The following ST3GAL1 variants were observed in gnomAD, a reference collection of about 807,000 sequenced individuals.
The protein encoded by ST3GAL1 is CMP-N-acetylneuraminate-beta-galactosamide-alpha-2,3-sialyltransferase 1.
In ST3GAL1, 16 loss-of-function variants were observed where a neutral mutation model predicts 34.1. That is an observed-to-expected ratio of 0.47 (90% CI 0.32 to 0.71). The LOEUF is 0.71. ST3GAL1 is among the 30% of genes least tolerant of loss of function. The probability of loss-of-function intolerance (pLI) is 0.04; values close to 1 mark genes in which losing one functional copy is unlikely to be tolerated. For synonymous variants in ST3GAL1, 191 were observed against 184.7 expected, an observed-to-expected ratio of 1.03 and a Z score of -0.28; for missense variants, 353 against 447.4, an observed-to-expected ratio of 0.79 and a Z score of 1.90.
At chr8:133,527,724 G>A (rs1478048583) in intron 2 of ST3GAL1, among the ~76,000 whole-genome samples, 1 of 152,224 alleles carries the variant, frequency 6.6e-6, no homozygotes, top group Non-Finnish European at 1.5e-5. Context: ...AGCTGGAGAA[G>A]ATCTGGGGGA....
At position 133,556,839 on chromosome 8, in the gene ST3GAL1, G is replaced by T. The variant is rs1819045346; in HGVS notation, c.-581-10913C>A. ...TGGAGGGGGGACATTTTGTTCTTTT[G>T]GCCTCTTAGATGATAAAACTAAGTG... is the stretch of plus-strand genomic sequence containing the variant. On this transcript the variant is annotated intron_variant, in intron 1 of 9. Transcript: ENST00000522652. This position sits in a 1 kb window ranked among gnomAD's most constrained non-coding sequence, Gnocchi z 8.9. Among the ~76,000 whole-genome samples the T allele has an allele frequency of 6.6e-6, 1 of 152,080 alleles. No homozygotes were observed. Among genetic ancestry groups the T allele is most frequent in the South Asian group, 2.1e-4 (1 of 4,822 alleles).
At chr8:133,562,715 T>C (rs1309751491) in intron 1 of ST3GAL1, among the ~76,000 whole-genome samples, 1 of 152,154 alleles carries the variant, frequency 6.6e-6, no homozygotes, top group Non-Finnish European at 1.5e-5. Flanking sequence ...CCTTTAATAC[T>C]TGGCCAATTC....
At chr8:133,502,138 T>C (rs1317228268) in intron 2 of ST3GAL1, among the ~76,000 whole-genome samples, 1 of 152,110 alleles carries the variant, frequency 6.6e-6, no homozygotes, top group Non-Finnish European at 1.5e-5. Flanking sequence ...GAATAGCCAA[T>C]ATGATAATGT....
chr8:133,546,462 C>A lies in ST3GAL1; in HGVS notation c.-581-536G>T, dbSNP rs1410905012. 2.0e-3 allele frequency among the ~76,000 whole-genome samples: 246 copies of A among 122,012 alleles called. 1 individual carries two copies. Among genetic ancestry groups the A allele is most frequent in the African/African-American group, 7.9e-3 (237 of 30,020 alleles). The allele number at this position is 122,012 out of a possible 152,430, so 80.0% of individuals were successfully genotyped here. On this transcript the variant is annotated intron_variant, in intron 1 of 9. Transcript: ENST00000522652. ...CGTGCCACTGCACTCCAGCCAGGGA[C>A]AGAGAGAGACTCCGTCAAAAAAAAA...
intron 6 of ST3GAL1, 168 bp downstream of exon 6, chr8:133,465,726 A>G (rs1275712499): frequency 4.7e-6 from 3 of 640,144 alleles, no homozygotes; most frequent in Non-Finnish European, 7.9e-6. Context: ...TGATGCAGAG[A>G]TGGGGAAGCT....
At chr8:133,498,953 C>A (rs991155529) in intron 3 of ST3GAL1, among the ~76,000 whole-genome samples, 182 bp downstream of exon 3, 10 of 152,350 alleles carry the variant, frequency 6.6e-5, no homozygotes, top group Admixed American at 2.0e-4. Flanking sequence ...AATGCCACCA[C>A]CCTTCTGAAT....
chr8:133,540,874 T>TATATAGAGAC (rs1818467378), intron 2 of ST3GAL1, among the ~76,000 whole-genome samples: 1 of 123,862 alleles, frequency 8.1e-6, no homozygotes, highest in Non-Finnish European at 1.7e-5. Flanking sequence ...TAGAGACATA[T>TATATAGAGAC]ATATAGAGAC....
intron 3 of ST3GAL1, among the ~76,000 whole-genome samples, chr8:133,478,784 G>C (rs556715189): frequency 1.3e-5 from 2 of 152,194 alleles, no homozygotes; most frequent in Admixed American, 1.3e-4. Context: ...CACTCTGTCT[G>C]TGCTCTTCAC....
chr8:133,544,981 T>C (rs751625282), intron 2 of ST3GAL1, among the ~76,000 whole-genome samples: 1 of 152,166 alleles, frequency 6.6e-6, no homozygotes. Flanking sequence ...ATATCCAGGG[T>C]GATCTCAATT....
At chr8:133,528,727 C>A (rs986433246) in intron 2 of ST3GAL1, among the ~76,000 whole-genome samples, 2 of 152,202 alleles carry the variant, frequency 1.3e-5, no homozygotes, top group Non-Finnish European at 2.9e-5. Context: ...CCCACAAAAC[C>A]TAAAATAGTT....
At chr8:133,553,820 G>T (rs1267168448) in intron 1 of ST3GAL1, among the ~76,000 whole-genome samples, 1 of 152,160 alleles carries the variant, frequency 6.6e-6, no homozygotes, top group East Asian at 1.9e-4. Context: ...CTAAATTAGA[G>T]ATGGCCAACA....
chr8:133,535,736 G>A (rs576000665), intron 2 of ST3GAL1, among the ~76,000 whole-genome samples: 6 of 152,088 alleles, frequency 3.9e-5, no homozygotes, highest in South Asian at 4.2e-4. Flanking sequence ...CAATCTGCCC[G>A]CCCCAGCCTC....
chr8:133,568,793 CCTGGCTCGGGGG>C (rs1472518436), intron 1 of ST3GAL1, among the ~76,000 whole-genome samples: 1 of 152,080 alleles, frequency 6.6e-6, no homozygotes, highest in African/African-American at 2.4e-5. Context: ...TGGGTGGTGT[CCTGGCTCGGGGG>C]CTGCTTGGTG....
chr8:133,541,147 A>AGAGAGAGAGAGAGG lies in ST3GAL1; in HGVS notation c.-429+4626_-429+4627insCCTCTCTCTCTCTC, dbSNP rs1209540597. 1.8e-3 allele frequency among the ~76,000 whole-genome samples: 227 copies of AGAGAGAGAGAGAGG among 125,380 alleles called. 21 individuals are homozygous for AGAGAGAGAGAGAGG. The highest frequency in any genetic ancestry group is 8.3e-3 in the African/African-American group (211 of 25,428). 82.3% of individuals were successfully genotyped at this position (125,380 alleles called of 152,430 possible). On this transcript the variant is annotated intron_variant, in intron 2 of 9. Transcript: ENST00000522652. ...GAGAGAGAGAGAGAGAGAGAGAGAG[A>AGAGAGAGAGAGAGG]GAGAGACTGTGTGTCTCTCCCTCTT...
At chr8:133,523,742 C>T (rs12675547) in intron 2 of ST3GAL1, among the ~76,000 whole-genome samples, 8,816 of 152,232 alleles carry the variant, frequency 0.058, 379 homozygotes, top group East Asian at 0.21. Context: ...CAAGTACAAA[C>T]GGACTGGCAG....
chr8:133,507,473 C>T (rs1817379883), intron 2 of ST3GAL1, among the ~76,000 whole-genome samples: 1 of 152,166 alleles, frequency 6.6e-6, no homozygotes, highest in Non-Finnish European at 1.5e-5. Flanking sequence ...TGAAGGTATT[C>T]CCAGGAAGGT....
chr8:133,487,542 C>T (rs1245482784), intron 3 of ST3GAL1, among the ~76,000 whole-genome samples: 1 of 152,232 alleles, frequency 6.6e-6, no homozygotes, highest in Admixed American at 6.5e-5. Context: ...GTCTTGGCAA[C>T]ATCTCTGACT....
In ST3GAL1 at chr8:133,461,545, TG is replaced by T. The variant is rs1410392162; in HGVS notation, c.849+329del. On this transcript the variant is annotated intron_variant, in intron 9 of 9. Coordinates refer to ENST00000522652, the MANE Select transcript of ST3GAL1 (RefSeq NM_173344.3). The surrounding 1 kb of genome is among the most constrained non-coding windows in gnomAD (Gnocchi z 4.7). ...GATGATTCTAAGGAGCAAGTGGGAT[TG>T]AGAACTGTGGCCTTAGACAACTCTC... 6.6e-6 allele frequency among the ~76,000 whole-genome samples: 1 copy of T among 152,152 alleles called. No homozygotes were observed. Among genetic ancestry groups the T allele is most frequent in the Non-Finnish European group, 1.5e-5 (1 of 68,026 alleles).
chr8:133,485,063 C>T (rs373283703), intron 3 of ST3GAL1, among the ~76,000 whole-genome samples: 4 of 152,224 alleles, frequency 2.6e-5, no homozygotes, highest in Admixed American at 1.3e-4. Flanking sequence ...TGCCTGCATT[C>T]GAGGGTTCTC....
Sources: gnomAD v4.1 joint callset for allele counts (sites outside exome capture counted in the v4.1 genomes callset) on GRCh38, gnomAD v4.1.1 for gene constraint, Gnocchi (gnomAD v3.1) non-coding constraint, MANE v1.5 for transcripts, NCBI Gene and HGNC (gene_info 2026-07-23, HGNC 2026-07-21) for gene names.